Variants in LPP observed in about 807,000 individuals in gnomAD.
The protein encoded by LPP is LIM domain containing preferred translocation partner in lipoma.
LPP carries 38 observed loss-of-function variants against 60.4 expected under a neutral mutation model. That is an observed-to-expected ratio of 0.63 (90% CI 0.49 to 0.83). LPP has a LOEUF of 0.83. LPP is among the 40% of genes least tolerant of loss of function. LPP has a pLI of 0.00. For synonymous variants in LPP, 328 were observed against 290.8 expected (o/e 1.13, Z -1.30); for missense variants, 902 against 783.6 (o/e 1.15, Z -1.80).
At chr3:188,243,229 A>T in intron 2 of LPP, among the ~76,000 whole-genome samples, 1 of 152,212 alleles carries the variant, frequency 6.6e-6, no homozygotes, top group East Asian at 1.9e-4. Flanking sequence ...TTCTGTTCTC[A>T]GGAGTTATAC....
rs958028919 is a variant in LPP at position 188,157,787 on chromosome 3, A to G, written c.-190+3535A>G. ...ACTGAGAAGGCTCACCCTCAGGGAA[A>G]CCACTATAGAGAGGGGGGTGTCTGA... On this transcript the variant is annotated intron_variant, in intron 1 of 11. Transcript: ENST00000617246. 4.6e-5 allele frequency among the ~76,000 whole-genome samples: 7 copies of G among 151,920 alleles called. No individual in the cohort carries two copies. The East Asian group carries it at 1.4e-3, about 29-fold the overall frequency.
At chr3:188,476,789 C>T (rs1427673939) in intron 4 of LPP, among the ~76,000 whole-genome samples, 2 of 152,056 alleles carry the variant, frequency 1.3e-5, no homozygotes, top group Non-Finnish European at 2.9e-5. Flanking sequence ...GGATATCTAG[C>T]ATGATAACTA....
chr3:188,579,772 C>T (rs1251200274), intron 6 of LPP, among the ~76,000 whole-genome samples: 1 of 146,562 alleles, frequency 6.8e-6, no homozygotes, highest in Non-Finnish European at 1.5e-5. Context: ...CCAGCCTGGG[C>T]AACATAGTCA....
At chr3:188,820,232 A>G (rs762069495) in intron 9 of LPP, among the ~76,000 whole-genome samples, 5 of 151,860 alleles carry the variant, frequency 3.3e-5, no homozygotes, top group Non-Finnish European at 5.9e-5. Context: ...CTTCTTTACT[A>G]TACTCCCTGA....
chr3:188,398,428 C>T (rs994990264), intron 3 of LPP, among the ~76,000 whole-genome samples: 1 of 152,186 alleles, frequency 6.6e-6, no homozygotes, highest in Non-Finnish European at 1.5e-5. Context: ...CTCAGATAGC[C>T]TATATAAAGG....
At chr3:188,694,597 G>A (rs1349404527) in intron 7 of LPP, among the ~76,000 whole-genome samples, 1 of 151,956 alleles carries the variant, frequency 6.6e-6, no homozygotes, top group Non-Finnish European at 1.5e-5. Flanking sequence ...AGCTACTCAG[G>A]AGGCTGAGGC....
At chr3:188,806,600 A>C (rs1749217687) in intron 9 of LPP, among the ~76,000 whole-genome samples, 2 of 151,824 alleles carry the variant, frequency 1.3e-5, no homozygotes, top group Admixed American at 1.3e-4. Flanking sequence ...TTACTTTTCC[A>C]TCTGCTATAT....
chr3:188,329,645 A>G (rs1157503809), intron 2 of LPP, among the ~76,000 whole-genome samples: 1 of 152,110 alleles, frequency 6.6e-6, no homozygotes, highest in East Asian at 1.9e-4. Context: ...CGTTTTTTAA[A>G]AAATGTTAAA....
At chr3:188,358,866 AGT>A (rs1768391866) in intron 3 of LPP, among the ~76,000 whole-genome samples, 2 of 152,192 alleles carry the variant, frequency 1.3e-5, no homozygotes, top group Non-Finnish European at 2.9e-5. Flanking sequence ...CGCAAAGACT[AGT>A]CCAAGGAGGT....
At chr3:188,325,783 T>C (rs1383120172) in intron 2 of LPP, among the ~76,000 whole-genome samples, 1 of 152,220 alleles carries the variant, frequency 6.6e-6, no homozygotes, top group Non-Finnish European at 1.5e-5. Flanking sequence ...TGTTTTAGGA[T>C]ATCAGCTTCT....
chr3:188,394,551 AGTGTGTGTGTGTGTGT>A (rs1209092729), intron 3 of LPP, among the ~76,000 whole-genome samples: 3 of 146,884 alleles, frequency 2.0e-5, no homozygotes, highest in African/African-American at 5.1e-5. Context: ...AAATATCTAA[AGTGTGTGTGTGTGTGT>A]GTGTGTGTGT....
At chr3:188,654,784 A>T (rs954278235) in intron 7 of LPP, among the ~76,000 whole-genome samples, 1 of 152,216 alleles carries the variant, frequency 6.6e-6, no homozygotes, top group Non-Finnish European at 1.5e-5. Context: ...CAAGTACAAG[A>T]ATCCTTTCAC....
At chr3:188,841,680 AC>A (rs762192057) in intron 9 of LPP, among the ~76,000 whole-genome samples, 6 of 151,968 alleles carry the variant, frequency 3.9e-5, no homozygotes. Context: ...TTTCTTAACT[AC>A]CCATTTATTT....
At chr3:188,247,089 A>C (rs1024939237) in intron 2 of LPP, 17 of 656,108 alleles carry the variant, frequency 2.6e-5, no homozygotes, top group Non-Finnish European at 3.0e-5. Flanking sequence ...GATCACTCTA[A>C]TTTCCTGGGC....
intron 1 of LPP, among the ~76,000 whole-genome samples, chr3:188,175,660 C>T (rs928777874): frequency 6.6e-6 from 1 of 152,068 alleles, no homozygotes; most frequent in Admixed American, 6.5e-5. Context: ...TGCAAATGCT[C>T]TCTTATTCCT....
At position 188,875,062 on chromosome 3, in the gene LPP, A is replaced by C. The variant is rs1406366925; in HGVS notation, c.*583A>C. 1.4e-5 allele frequency: 3 copies of C among 220,880 alleles called. No individual in the cohort carries two copies. Among genetic ancestry groups the C allele is most frequent in the African/African-American group, 6.7e-5 (3 of 44,688 alleles). 13.7% of individuals were successfully genotyped at this position (220,880 alleles called of 1,614,324 possible). On this transcript the variant is annotated 3_prime_UTR_variant, in exon 12 of 12. Coordinates refer to ENST00000617246, the MANE Select transcript of LPP (RefSeq NM_001375462.1). ...AGCTGTAAATTACATAAGTTAGAAC[A>C]AGCCCAAATTTAATTTGCAACCATC...
intron 2 of LPP, among the ~76,000 whole-genome samples, chr3:188,249,843 C>CACACAG (rs1728452923): frequency 1.5e-5 from 2 of 136,240 alleles, no homozygotes; most frequent in Non-Finnish European, 3.0e-5. Flanking sequence ...CACACACACA[C>CACACAG]ACACACACAC....
intron 3 of LPP, among the ~76,000 whole-genome samples, chr3:188,354,818 C>T (rs943128358): frequency 5.3e-5 from 4 of 75,406 alleles, no homozygotes; most frequent in Non-Finnish European, 7.8e-5. Flanking sequence ...CACGCGCGTG[C>T]GCGCACACAC....
chr3:188,345,693 G>T (rs1764157960), intron 3 of LPP, among the ~76,000 whole-genome samples: 1 of 152,096 alleles, frequency 6.6e-6, no homozygotes, highest in African/African-American at 2.4e-5. Context: ...GTGGGGATGG[G>T]CTGGGACTGA....
Sources: gnomAD v4.1 joint callset for allele counts (sites outside exome capture counted in the v4.1 genomes callset) on GRCh38, gnomAD v4.1.1 for gene constraint, MANE v1.5 for transcripts, NCBI Gene and HGNC (gene_info 2026-07-23, HGNC 2026-07-21) for gene names.